LRFN5: variants seen among roughly 807,000 people sequenced by gnomAD.
LRFN5 encodes leucine-rich repeat and fibronectin type-III domain-containing protein 5.
LRFN5 carries 24 observed loss-of-function variants against 45.6 expected under a neutral mutation model. That is an observed-to-expected ratio of 0.53 (90% CI 0.38 to 0.74). LRFN5 has a LOEUF of 0.74. LRFN5 is among the 30% of genes least tolerant of loss of function. LRFN5 has a pLI of 0.00. For synonymous variants in LRFN5, 340 were observed against 313.8 expected (o/e 1.08, Z -0.88); for missense variants, 776 against 861.5 (o/e 0.90, Z 1.24).
intron 1 of LRFN5, among the ~76,000 whole-genome samples, chr14:41,671,080 T>G (rs1881186386): frequency 6.6e-6 from 1 of 151,940 alleles, no homozygotes; most frequent in South Asian, 2.1e-4. Flanking sequence ...ATTATTAGAC[T>G]GCAAAAGTCA....
chr14:41,648,069 T>C (rs754674177), intron 1 of LRFN5, among the ~76,000 whole-genome samples: 3 of 152,224 alleles, frequency 2.0e-5, no homozygotes, highest in South Asian at 4.1e-4. Context: ...CTTTGTTCAA[T>C]AGTATGCTTT....
rs1466065055 is a variant in LRFN5 at position 41,887,186 on chromosome 14, T to G, written c.561T>G (p.Pro187=). 1 of 1,613,992 alleles carries G rather than the reference T, an allele frequency of 6.2e-7. No homozygotes were observed. Among genetic ancestry groups the G allele is most frequent in the African/African-American group, 1.3e-5 (1 of 74,934 alleles). The change falls in exon 3 of 6, where the codon CCT becomes CCG. Residue 187 remains proline, a synonymous_variant. Transcript: ENST00000298119. This position sits in a 1 kb window ranked among gnomAD's most constrained non-coding sequence, Gnocchi z 4.8. ...SLDHNMIDNI[P]KGTFSHLHKM... ...ATCACAATATGATTGATAACATTCC[T>G]AAGGGGACCTTCTCCCATTTGCACA...
In LRFN5 at chr14:41,660,094, T is replaced by G. The variant is rs1880574412; in HGVS notation, c.-197+51532T>G. On this transcript the variant is annotated intron_variant, in intron 1 of 5. Transcript: ENST00000298119. ...AGGCTGGAATGCAATGGCATGATCT[T>G]GGCTCGCTGCAACAACTGCTTACTG... Among the ~76,000 whole-genome samples, 2 of 152,070 alleles carry G rather than the reference T, an allele frequency of 1.3e-5. 1 individual carries two copies. Among genetic ancestry groups the G allele is most frequent in the South Asian group, 4.1e-4 (2 of 4,824 alleles).
intron 2 of LRFN5, among the ~76,000 whole-genome samples, chr14:41,880,296 T>C (rs962548377): frequency 6.6e-6 from 1 of 152,074 alleles, no homozygotes; most frequent in Non-Finnish European, 1.5e-5. Flanking sequence ...ATTTCTATTT[T>C]ATAAATTTCT....
At chr14:41,879,585 G>T (rs918077821) in intron 2 of LRFN5, among the ~76,000 whole-genome samples, 6 of 150,852 alleles carry the variant, frequency 4.0e-5, no homozygotes, top group African/African-American at 1.5e-4. Context: ...ATACATAACT[G>T]ATATGCTATA....
intron 1 of LRFN5, among the ~76,000 whole-genome samples, chr14:41,730,615 CATATT>C (rs1275327978): frequency 2.0e-5 from 3 of 151,844 alleles, no homozygotes; most frequent in South Asian, 2.1e-4. Context: ...TACGTTAACA[CATATT>C]ATATAATTTT....
At chr14:41,733,736 A>C (rs564027396) in intron 1 of LRFN5, 6 of 152,064 alleles carry the variant, frequency 3.9e-5, no homozygotes, top group African/African-American at 1.4e-4. Flanking sequence ...TTAAAAAGCA[A>C]TTACTCTAAA....
At chr14:41,669,079 T>A (rs1881041166) in intron 1 of LRFN5, among the ~76,000 whole-genome samples, 1 of 152,100 alleles carries the variant, frequency 6.6e-6, no homozygotes, top group South Asian at 2.1e-4. Flanking sequence ...GTGACTAATT[T>A]GTATATGGTG....
intron 2 of LRFN5, among the ~76,000 whole-genome samples, chr14:41,839,058 C>A (rs1318601677): frequency 6.6e-6 from 1 of 152,074 alleles, no homozygotes; most frequent in African/African-American, 2.4e-5. Context: ...GTGTCTGTCT[C>A]CTCTCAAGGT....
chr14:41,869,479 A>T (rs887107978), intron 2 of LRFN5, among the ~76,000 whole-genome samples: 1 of 151,896 alleles, frequency 6.6e-6, no homozygotes, highest in African/African-American at 2.4e-5. Flanking sequence ...CAGCTTAAAG[A>T]GGTATCCAAA....
intron 4 of LRFN5, chr14:41,893,376 A>T: frequency 8.1e-6 from 8 of 984,052 alleles, no homozygotes; most frequent in Non-Finnish European, 9.7e-6. Context: ...AACAGTTACC[A>T]TCAAAGAGGT....
intron 1 of LRFN5, among the ~76,000 whole-genome samples, chr14:41,680,434 T>G (rs887962637): frequency 3.9e-5 from 6 of 152,036 alleles, no homozygotes; most frequent in Non-Finnish European, 5.9e-5. Flanking sequence ...AGAATGTGTT[T>G]GGGGGAAAGA....
intron 1 of LRFN5, among the ~76,000 whole-genome samples, chr14:41,759,957 A>C (rs1383828586): frequency 6.6e-6 from 1 of 152,214 alleles, no homozygotes; most frequent in Admixed American, 6.5e-5. Flanking sequence ...GAAATAACAC[A>C]GAGGGATTCC....
chr14:41,817,394 A>G (rs1364782375), intron 2 of LRFN5, among the ~76,000 whole-genome samples: 1 of 152,066 alleles, frequency 6.6e-6, no homozygotes, highest in Admixed American at 6.6e-5. Flanking sequence ...CTATGAATAG[A>G]CTGTTAGTGA....
rs1373323991 is a variant in LRFN5 at position 41,765,352 on chromosome 14, G to A, written c.-196-1502G>A. Among the ~76,000 whole-genome samples, 407 of 100,742 alleles carry A rather than the reference G, an allele frequency of 4.0e-3. 2 individuals carry two copies. The highest frequency in any genetic ancestry group is 0.015 in the African/African-American group (386 of 26,282). The allele number at this position is 100,742 out of a possible 152,430, so 66.1% of individuals were successfully genotyped here. ...GCGAGACTCCGTCTCAAAAAAAAAG[G>A]AGGAAAAAAAAAAAAAAAAAACAGG... is the stretch of plus-strand genomic sequence containing the variant. On this transcript the variant is annotated intron_variant, in intron 1 of 5. Transcript: ENST00000298119.
At chr14:41,874,113 C>G (rs1257990863) in intron 2 of LRFN5, among the ~76,000 whole-genome samples, 1 of 152,076 alleles carries the variant, frequency 6.6e-6, no homozygotes, top group Non-Finnish European at 1.5e-5. Flanking sequence ...TTGGAAGAAA[C>G]AGGGGTCATC....
chr14:41,864,290 C>A (rs554737595), intron 2 of LRFN5, among the ~76,000 whole-genome samples: 4 of 152,106 alleles, frequency 2.6e-5, no homozygotes, highest in African/African-American at 9.7e-5. Context: ...TCCCGCCAAC[C>A]GTGTCAAAGT....
chr14:41,818,898 C>T (rs1888015965), intron 2 of LRFN5, among the ~76,000 whole-genome samples: 1 of 152,062 alleles, frequency 6.6e-6, no homozygotes, highest in Non-Finnish European at 1.5e-5. Flanking sequence ...TCCTAAACCT[C>T]CTATATTTTT....
chr14:41,778,712 T>C (rs1886379326), intron 2 of LRFN5, among the ~76,000 whole-genome samples: 1 of 151,834 alleles, frequency 6.6e-6, no homozygotes, highest in East Asian at 1.9e-4. Context: ...CTGTGTGCAA[T>C]ATTGTCCTTC....
Sources: gnomAD v4.1 joint callset for allele counts (sites outside exome capture counted in the v4.1 genomes callset) on GRCh38, gnomAD v4.1.1 for gene constraint, Gnocchi (gnomAD v3.1) non-coding constraint, MANE v1.5 for transcripts, NCBI Gene and HGNC (gene_info 2026-07-23, HGNC 2026-07-21) for gene names.